The following ARID1B variants were observed in gnomAD, a reference collection of about 807,000 sequenced individuals.
The protein encoded by ARID1B is AT-rich interaction domain 1B, also known as AT-rich interactive domain-containing protein 1B.
In ARID1B, 30 loss-of-function variants were observed where a neutral mutation model predicts 212.3. The ratio of observed to expected loss-of-function variants is 0.14; its 90% CI spans 0.11 to 0.19. The LOEUF (loss-of-function observed/expected upper bound fraction) is 0.19, where lower values mean the gene tolerates loss of function less well. Among genes scored for constraint, ARID1B ranks in the 10% least tolerant of loss-of-function variants. ARID1B has a pLI of 1.00. For synonymous variants in ARID1B, 1,402 were observed against 1,301.7 expected, an observed-to-expected ratio of 1.08 and a Z score of -1.66; for missense variants, 2,891 against 3,204.0, an observed-to-expected ratio of 0.90 and a Z score of 2.36.
chr6:157,143,895 G>A (rs927090998), intron 7 of ARID1B, among the ~76,000 whole-genome samples: 1 of 152,210 alleles, frequency 6.6e-6, no homozygotes, highest in Non-Finnish European at 1.5e-5. Flanking sequence ...GCCAATTCAT[G>A]GAATCAACCC....
At position 156,778,469 on chromosome 6, in the gene ARID1B, C is replaced by T. The variant is rs953311173; in HGVS notation, c.789C>T (p.Ser263=). 1.5e-4 allele frequency: 192 copies of T among 1,323,822 alleles called. No homozygotes were observed. The highest frequency in any genetic ancestry group is 1.8e-4 in the Non-Finnish European group (184 of 1,045,158). 82.0% of individuals were successfully genotyped at this position (1,323,822 alleles called of 1,614,324 possible). The stretch of plus-strand genomic sequence containing the variant: ...ACCCCCCGGGCCCGCCGCTGCTGAG[C>T]AAGCCGGGCGACGAGGACGACGCGC... ...QADPPGPPLL[S]KPGDEDDAPP... The change falls in exon 1 of 20, where the codon AGC becomes AGT. Residue 263 remains serine, a synonymous_variant. Transcript: ENST00000636930.
At chr6:156,998,092 C>T (rs935186069) in intron 4 of ARID1B, among the ~76,000 whole-genome samples, 1 of 152,124 alleles carries the variant, frequency 6.6e-6, no homozygotes, top group African/African-American at 2.4e-5. Flanking sequence ...GCAGTCCTTG[C>T]ATCTGTGCTT....
intron 4 of ARID1B, among the ~76,000 whole-genome samples, chr6:157,050,182 T>C (rs1177419714): frequency 6.6e-6 from 1 of 152,066 alleles, no homozygotes; most frequent in African/African-American, 2.4e-5. Context: ...CTCCACTTTG[T>C]ATATCATCAA....
intron 8 of ARID1B, among the ~76,000 whole-genome samples, chr6:157,160,131 GAAGACTTAGAC>G (rs2128276326): frequency 6.6e-6 from 1 of 152,266 alleles, no homozygotes; most frequent in South Asian, 2.1e-4. Context: ...GCCAGTGGAG[GAAGACTTAGAC>G]AAGACTCACA....
chr6:156,996,603 G>A lies in ARID1B; in HGVS notation c.2247+61027G>A, dbSNP rs527889258. Among the ~76,000 whole-genome samples the A allele has an allele frequency of 2.0e-5, 3 of 152,306 alleles. No individual in the cohort carries two copies. In the East Asian group the frequency reaches 5.8e-4, roughly 29 times the overall value. On this transcript the variant is annotated intron_variant, in intron 4 of 19. Coordinates refer to ENST00000636930, the MANE Select transcript of ARID1B (RefSeq NM_001374828.1). ...AATATGTAAAAGTATTTTGTAGATTGTGGAGTACTTTAGAGACAGAGGGTA... is the reference window on the plus strand; with the variant it reads ...AATATGTAAAAGTATTTTGTAGATTATGGAGTACTTTAGAGACAGAGGGTA...
At chr6:156,836,420 TG>T (rs1325937339) in intron 2 of ARID1B, among the ~76,000 whole-genome samples, 2 of 152,148 alleles carry the variant, frequency 1.3e-5, no homozygotes, top group African/African-American at 4.8e-5. Context: ...GTAGTGATGC[TG>T]GTTCTTGGCC....
At chr6:156,849,761 C>T (rs1396685345) in intron 2 of ARID1B, among the ~76,000 whole-genome samples, 1 of 151,944 alleles carries the variant, frequency 6.6e-6, no homozygotes, top group Non-Finnish European at 1.5e-5. Context: ...TTTTAAAGCC[C>T]TTAAGGACCG....
intron 4 of ARID1B, among the ~76,000 whole-genome samples, chr6:157,054,223 C>CAAAAAAAAAAAAAAAA (rs71645383): frequency 3.7e-4 from 54 of 144,654 alleles, no homozygotes; most frequent in East Asian, 1.0e-3. Context: ...GACTCTGTCT[C>CAAAAAAAAAAAAAAAA]AAAAAAAAGA....
At chr6:157,163,564 G>T (rs1791099534) in intron 8 of ARID1B, among the ~76,000 whole-genome samples, 1 of 152,196 alleles carries the variant, frequency 6.6e-6, no homozygotes, top group African/African-American at 2.4e-5. Context: ...ACCCAGACAG[G>T]CACCCACTGC....
chr6:156,873,385 A>G (rs1023516599), intron 2 of ARID1B, among the ~76,000 whole-genome samples: 6 of 152,240 alleles, frequency 3.9e-5, no homozygotes, highest in African/African-American at 1.4e-4. Context: ...AATTTTTATC[A>G]TACTTTGAGG....
chr6:156,937,273 A>G (rs1792322553), intron 4 of ARID1B: 1 of 152,212 alleles, frequency 6.6e-6, no homozygotes, highest in South Asian at 2.1e-4. Flanking sequence ...TTTGCCAAGT[A>G]TTTGGAAATT....
chr6:156,986,593 G>A, intron 4 of ARID1B, among the ~76,000 whole-genome samples: 1 of 152,154 alleles, frequency 6.6e-6, no homozygotes, highest in East Asian at 1.9e-4. Context: ...TATGTCTTCG[G>A]TGAAGATTAG....
At chr6:156,900,339 A>C (rs1252926912) in intron 2 of ARID1B, among the ~76,000 whole-genome samples, 1 of 152,178 alleles carries the variant, frequency 6.6e-6, no homozygotes, top group East Asian at 1.9e-4. Flanking sequence ...TTTTTCTTAG[A>C]GGCTAAATGT....
chr6:156,778,229 C>G lies in ARID1B; in HGVS notation c.549C>G (p.Leu183=). The G allele has an allele frequency of 1.9e-6, 3 of 1,539,130 alleles. No homozygotes were observed. The highest frequency in any genetic ancestry group is 1.8e-4 in the Middle Eastern group (1 of 5,572). The change falls in exon 1 of 20, where the codon CTC becomes CTG. Residue 183 remains leucine, a synonymous_variant. Transcript: ENST00000636930. ...ACCACCACCACCATGCCCACCACCT[C>G]CACCACCACCACGCACTACAGCAGC... ...AHHHHHHAHH[L]HHHHALQQQL... is the part of the protein sequence containing the mutation.
At chr6:157,098,269 A>G (rs1189839191) in intron 5 of ARID1B, among the ~76,000 whole-genome samples, 1 of 152,170 alleles carries the variant, frequency 6.6e-6, no homozygotes, top group Non-Finnish European at 1.5e-5. Flanking sequence ...GCTGTTCAGC[A>G]TTTTATGTCT....
Position 157,206,108 on chromosome 6 carries a change from T to C in ARID1B, c.5395-59T>C. 2 of 1,554,234 alleles carry C rather than the reference T, an allele frequency of 1.3e-6. No individual in the cohort carries two copies. Among genetic ancestry groups the C allele is most frequent in the Non-Finnish European group, 1.8e-6 (2 of 1,137,256 alleles). ...TCAGGATCTTTACCCTCCTCGGTCA[T>C]ATCTGATGTCATGACATTGTACCTG... On this transcript the variant is annotated intron_variant, in intron 19 of 19. Transcript: ENST00000636930. This position sits in a 1 kb window ranked among gnomAD's most constrained non-coding sequence, Gnocchi z 6.8.
At chr6:157,067,451 T>C (rs550271873) in intron 4 of ARID1B, among the ~76,000 whole-genome samples, 17 of 152,292 alleles carry the variant, frequency 1.1e-4, no homozygotes, top group South Asian at 2.1e-4. Context: ...TTCCTGAGAA[T>C]GGGGTACAGT....
At chr6:156,803,334 A>T (rs556773292) in intron 1 of ARID1B, among the ~76,000 whole-genome samples, 1 of 152,202 alleles carries the variant, frequency 6.6e-6, no homozygotes, top group Non-Finnish European at 1.5e-5. Context: ...ATTTTTCAGT[A>T]TAGAAGAATA....
chr6:157,105,292 G>A (rs1786376143), intron 5 of ARID1B, among the ~76,000 whole-genome samples: 1 of 151,814 alleles, frequency 6.6e-6, no homozygotes, highest in African/African-American at 2.4e-5. Context: ...AGAATCCAGA[G>A]GCAATAAAAA....
Sources: gnomAD v4.1 joint callset for allele counts (sites outside exome capture counted in the v4.1 genomes callset) on GRCh38, gnomAD v4.1.1 for gene constraint, Gnocchi (gnomAD v3.1) non-coding constraint, MANE v1.5 for transcripts, NCBI Gene and HGNC (gene_info 2026-07-23, HGNC 2026-07-21) for gene names.